The following PREX2 variants were observed in gnomAD, a reference collection of about 807,000 sequenced individuals.
PREX2 encodes the protein phosphatidylinositol-3,4,5-trisphosphate dependent Rac exchange factor 2.
In PREX2, 107 loss-of-function variants were observed where a neutral mutation model predicts 203.2. The observed-to-expected ratio is 0.53, with a 90% CI of 0.45 to 0.62. The LOEUF is 0.62. Ranked by LOEUF, PREX2 falls within the 20% of genes least tolerant of loss-of-function variation. The probability of loss-of-function intolerance (pLI) is 0.00; values close to 1 mark genes in which losing one functional copy is unlikely to be tolerated. For synonymous variants in PREX2, 672 were observed against 663.6 expected (o/e 1.01, Z -0.19); for missense variants, 1,777 against 1,955.9 (o/e 0.91, Z 1.72).
chr8:68,060,370 A>G (rs1251558987), intron 10 of PREX2, among the ~76,000 whole-genome samples: 2 of 152,200 alleles, frequency 1.3e-5, no homozygotes, highest in East Asian at 3.8e-4. Context: ...TGTTAATGGT[A>G]ACCTTTTAAT....
At chr8:68,127,578 C>T (rs73685222) in intron 31 of PREX2, among the ~76,000 whole-genome samples, 159 bp downstream of exon 31, 5,365 of 151,394 alleles carry the variant, frequency 0.035, 289 homozygotes, top group African/African-American at 0.12. Flanking sequence ...AAAGTACTCA[C>T]ATCATTTTAA....
At chr8:67,965,251 G>A (rs1346210383) in intron 1 of PREX2, among the ~76,000 whole-genome samples, 3 of 152,028 alleles carry the variant, frequency 2.0e-5, no homozygotes, top group Admixed American at 1.3e-4. Flanking sequence ...GAAAACCTTA[G>A]TTCTCCCATT....
At chr8:67,983,685 T>C (rs7462811) in intron 1 of PREX2, among the ~76,000 whole-genome samples, 52,399 of 152,044 alleles carry the variant, frequency 0.34, 9,443 homozygotes, top group East Asian at 0.6. Context: ...CAGAATTGAG[T>C]GTTTAGTTTT....
At chr8:68,194,259 T>A (rs1812350895) in intron 37 of PREX2, among the ~76,000 whole-genome samples, 1 of 152,182 alleles carries the variant, frequency 6.6e-6, no homozygotes, top group Non-Finnish European at 1.5e-5. Flanking sequence ...ATAAAGTCCC[T>A]ACTTTCATAT....
At chr8:68,048,808 C>T (rs1206566892) in intron 8 of PREX2, among the ~76,000 whole-genome samples, 1 of 151,940 alleles carries the variant, frequency 6.6e-6, no homozygotes, top group East Asian at 1.9e-4. Context: ...CCTGTATTAT[C>T]TCAATGATCG....
chr8:67,959,123 A>G (rs1350032431), intron 1 of PREX2, among the ~76,000 whole-genome samples: 1 of 152,224 alleles, frequency 6.6e-6, no homozygotes, highest in Non-Finnish European at 1.5e-5. Flanking sequence ...GAGGAAGAGT[A>G]GAGTGTGCAG....
chr8:68,189,994 T>G (rs925722024), intron 35 of PREX2, among the ~76,000 whole-genome samples: 1 of 152,218 alleles, frequency 6.6e-6, no homozygotes, highest in African/African-American at 2.4e-5. Flanking sequence ...GAATAATCCA[T>G]GTTACTTTAT....
intron 29 of PREX2, among the ~76,000 whole-genome samples, 199 bp downstream of exon 29, chr8:68,120,485 T>A (rs780869445): frequency 2.6e-5 from 4 of 152,180 alleles, no homozygotes; most frequent in Non-Finnish European, 5.9e-5. Context: ...GTCTGTTTCT[T>A]TGAAAGTTTA....
rs374665840 is a variant in PREX2 at position 68,077,475 on chromosome 8, G to A, written c.1642+6G>A. 700 of 1,598,190 alleles carry A rather than the reference G, an allele frequency of 4.4e-4. 7 individuals carry two copies. In the South Asian group the frequency reaches 7.3e-3, roughly 17 times the overall value. ...CAATGGATTTATGCACCATGGTAGG[G>A]ATTTTTTACCCTGGGAGCTTACAGA... On this transcript the variant is annotated splice_donor_region_variant and intron_variant, in intron 15 of 39. Transcript: ENST00000288368.
At chr8:68,191,922 A>G in intron 36 of PREX2, 134 bp downstream of exon 36, 1 of 626,638 alleles carries the variant, frequency 1.6e-6, no homozygotes, top group Middle Eastern at 4.1e-4. Flanking sequence ...GTCATGAGAC[A>G]GTCTCTTCTT....
At chr8:67,976,659 GGGAGAGAGACAGAGAGAGAGACA>G in intron 1 of PREX2, among the ~76,000 whole-genome samples, 2 of 52,816 alleles carry the variant, frequency 3.8e-5, no homozygotes, top group Non-Finnish European at 7.7e-5. Flanking sequence ...AGAGAGAGAC[GGGAGAGAGACAGAGAGAGAGACA>G]GGAGAGAGAC....
rs57701553 is a variant in PREX2 at position 68,076,685 on chromosome 8, TCACACACACACACACACA to T, written c.1570-689_1570-672del. ...GAACTGTAACAATACAACTCTAAGG[TCACACACACACACACACA>T]CACACACACACACACACACACATGC... On this transcript the variant is annotated intron_variant, in intron 14 of 39. Coordinates refer to ENST00000288368, the MANE Select transcript of PREX2 (RefSeq NM_024870.4). 2.1e-3 allele frequency among the ~76,000 whole-genome samples: 296 copies of T among 143,796 alleles called. 2 individuals are homozygous for T. The highest frequency in any genetic ancestry group is 7.4e-3 in the African/African-American group (289 of 39,124). 94.3% of individuals were successfully genotyped at this position (143,796 alleles called of 152,430 possible). A position where few individuals can be genotyped will look rare whatever the true frequency, so the allele number is the denominator to read the frequency against.
intron 31 of PREX2, among the ~76,000 whole-genome samples, chr8:68,129,434 A>G (rs1810958865): frequency 6.6e-6 from 1 of 152,178 alleles, no homozygotes; most frequent in Non-Finnish European, 1.5e-5. Context: ...TGACACCAAA[A>G]CAGGAGCCAA....
At chr8:68,016,667 T>C (rs1807416193) in intron 1 of PREX2, among the ~76,000 whole-genome samples, 1 of 152,120 alleles carries the variant, frequency 6.6e-6, no homozygotes, top group African/African-American at 2.4e-5. Context: ...GACTGGAGTA[T>C]AGTGGTGCGT....
intron 37 of PREX2, among the ~76,000 whole-genome samples, chr8:68,214,449 G>T (rs1056805389): frequency 6.6e-6 from 1 of 152,120 alleles, no homozygotes; most frequent in African/African-American, 2.4e-5. Context: ...CCTTTAATAT[G>T]CTCCTTTCTT....
Position 68,109,485 on chromosome 8 carries a change from T to C in PREX2, c.3008T>C (p.Leu1003Pro). Residue 1003 changes from leucine (L) to proline (P), a missense_variant, in exon 25 of 40, where the codon CTG becomes CCG. By Grantham distance (98) the Leu-to-Pro change is moderately conservative. Coordinates refer to ENST00000288368, the MANE Select transcript of PREX2 (RefSeq NM_024870.4). ...TTMAAPSGLS[L>P]GQQDGHGLRY... ...ATGGCGGCCCCTTCAGGTCTGTCTC[T>C]GGGACAGCAGGATGGCCATGGTCTC... 3 of 1,614,054 alleles carry C rather than the reference T, an allele frequency of 1.9e-6. No individual in the cohort carries two copies. The highest frequency in any genetic ancestry group is 1.1e-5 in the South Asian group (1 of 91,082).
intron 1 of PREX2, among the ~76,000 whole-genome samples, chr8:67,968,007 G>C (rs1352703894): frequency 6.6e-6 from 1 of 151,528 alleles, no homozygotes; most frequent in East Asian, 1.9e-4. Context: ...ACACCAACAC[G>C]GCACAGGTAT....
intron 1 of PREX2, among the ~76,000 whole-genome samples, chr8:67,958,364 A>G (rs1231611728): frequency 2.6e-5 from 4 of 152,184 alleles, no homozygotes; most frequent in African/African-American, 9.7e-5. Context: ...TGGGAGAATT[A>G]TCCATCCCCA....
intron 7 of PREX2, among the ~76,000 whole-genome samples, chr8:68,039,577 T>TCCTA (rs1303289807): frequency 2.0e-5 from 3 of 152,126 alleles, no homozygotes; most frequent in East Asian, 3.9e-4. Flanking sequence ...CATTCTGGAC[T>TCCTA]CCTACATCCT....
Sources: gnomAD v4.1 joint callset for allele counts (sites outside exome capture counted in the v4.1 genomes callset) on GRCh38, gnomAD v4.1.1 for gene constraint, MANE v1.5 for transcripts, NCBI Gene and HGNC (gene_info 2026-07-23, HGNC 2026-07-21) for gene names.